Variants in NDUFS1 observed in about 807,000 individuals in gnomAD.
The protein encoded by NDUFS1 is NADH-ubiquinone oxidoreductase 75 kDa subunit, mitochondrial.
In NDUFS1, 61 loss-of-function variants were observed where a neutral mutation model predicts 84.4. The ratio of observed to expected loss-of-function variants is 0.72; its 90% CI spans 0.59 to 0.89. The LOEUF (loss-of-function observed/expected upper bound fraction) is 0.89, where lower values mean the gene tolerates loss of function less well. Among genes scored for constraint, NDUFS1 ranks in the 40% least tolerant of loss-of-function variants. The probability of loss-of-function intolerance (pLI) is 0.00; values close to 1 mark genes in which losing one functional copy is unlikely to be tolerated. For missense variants in NDUFS1, 891 were observed against 890.0 expected, an observed-to-expected ratio of 1.00 and a Z score of -0.01; for synonymous variants, 275 against 290.0, an observed-to-expected ratio of 0.95 and a Z score of 0.53.
At chr2:206,141,568 T>G (rs919675119) in intron 12 of NDUFS1, among the ~76,000 whole-genome samples, 4 of 139,748 alleles carry the variant, frequency 2.9e-5, no homozygotes, top group Admixed American at 2.2e-4. Context: ...TAAAAATAAT[T>G]TTTTAAAAAT....
intron 13 of NDUFS1, among the ~76,000 whole-genome samples, chr2:206,134,582 A>G (rs1435772526): frequency 2.6e-5 from 4 of 152,028 alleles, no homozygotes; most frequent in Non-Finnish European, 5.9e-5. Context: ...ACCATCTCAA[A>G]AACAAAAAAA....
chr2:206,154,777 C>A (rs1168487871), intron 1 of NDUFS1, among the ~76,000 whole-genome samples: 1 of 152,106 alleles, frequency 6.6e-6, no homozygotes, highest in Non-Finnish European at 1.5e-5. Context: ...GCACCCGCCA[C>A]CACACCCGAC....
intron 3 of NDUFS1, 58 bp from the exon 4 acceptor site, chr2:206,149,983 G>A (rs976534546): frequency 1.0e-5 from 12 of 1,152,208 alleles, no homozygotes; most frequent in Middle Eastern, 2.0e-4. Context: ...TGACTTCACT[G>A]CTGTTATTGC....
In NDUFS1 at chr2:206,116,526, C is replaced by A; in HGVS notation, c.*7659G>T. The A allele has an allele frequency of 9.3e-7, 1 of 1,079,280 alleles. No individual in the cohort carries two copies. Among genetic ancestry groups the A allele is most frequent in the Non-Finnish European group, 1.3e-6 (1 of 741,518 alleles). 66.9% of individuals were successfully genotyped at this position (1,079,280 alleles called of 1,614,324 possible). On this transcript the variant is annotated 3_prime_UTR_variant, in exon 19 of 19. Transcript: ENST00000233190. ...GTTCCCAGGGGTGCGGGGATGGCAG[C>A]GCTACGCCTCAGCCACTCGCGCGGG...
At chr2:206,141,507 G>A (rs1443429456) in intron 12 of NDUFS1, among the ~76,000 whole-genome samples, 2 of 151,088 alleles carry the variant, frequency 1.3e-5, no homozygotes, top group African/African-American at 4.9e-5. Flanking sequence ...AATCCAGCCT[G>A]GGCGACAAAG....
chr2:206,126,583 G>A lies in NDUFS1; in HGVS notation c.2048C>T (p.Pro683Leu), dbSNP rs377157717. ...KLVNQQLLAD[P>L]LVPPQLTIKD... is the part of the protein sequence containing the mutation. ...TATAGTTAGCTGAGGTGGAACAAGT[G>A]GGTCAGCAAGAAGCTGCTGGTTCAC... The change falls in exon 18 of 19, where the codon CCA (proline) becomes CTA (leucine). Residue 683 changes from proline (P) to leucine (L), a missense_variant. Pro to Leu is a moderately conservative substitution (Grantham distance 98). Transcript: ENST00000233190. 4.3e-6 allele frequency: 7 copies of A among 1,614,074 alleles called. No homozygotes were observed. Among genetic ancestry groups the A allele is most frequent in the Non-Finnish European group, 5.1e-6 (6 of 1,180,016 alleles).
intron 13 of NDUFS1, among the ~76,000 whole-genome samples, chr2:206,134,105 T>A (rs903110000): frequency 6.6e-6 from 1 of 152,174 alleles, no homozygotes; most frequent in Non-Finnish European, 1.5e-5. Flanking sequence ...ATTATGCTGA[T>A]ATATTATAAA....
chr2:206,132,556 G>A (rs1031291795), intron 14 of NDUFS1, among the ~76,000 whole-genome samples: 1 of 151,916 alleles, frequency 6.6e-6, no homozygotes, highest in African/African-American at 2.4e-5. Flanking sequence ...CCACTGTACT[G>A]AGACCCTGTC....
chr2:206,124,201 T>G lies in NDUFS1; in HGVS notation c.2168A>C (p.Glu723Ala), dbSNP rs778862643. ...GTAGAAGCTTCAGCATATGGATGGT[T>G]CCTCTACTGCCTGGGCACCCTCTGT... ...AVTEGAQAVE[E>A]PSIC Residue 723 changes from glutamate (E) to alanine (A), a missense_variant, in exon 19 of 19, where the codon GAA becomes GCA. Physicochemically the swap from Glu to Ala is moderately radical, Grantham distance 107. Coordinates refer to ENST00000233190, the MANE Select transcript of NDUFS1 (RefSeq NM_005006.7). 1.2e-6 allele frequency: 2 copies of G among 1,611,042 alleles called. No individual in the cohort carries two copies. The highest frequency in any genetic ancestry group is 8.5e-7 in the Non-Finnish European group (1 of 1,177,156).
At chr2:206,158,064 C>G (rs926264758) in intron 1 of NDUFS1, among the ~76,000 whole-genome samples, 2 of 148,156 alleles carry the variant, frequency 1.3e-5, no homozygotes, top group Admixed American at 6.8e-5. Context: ...CCCGGGTTCA[C>G]GCCAGCCTCC....
rs530144421 is a variant in NDUFS1, at chr2:206,116,219, C to T, written c.*7966G>A. On this transcript the variant is annotated 3_prime_UTR_variant, in exon 19 of 19. Coordinates refer to ENST00000233190, the MANE Select transcript of NDUFS1 (RefSeq NM_005006.7). ...CTTGATCAGCCAACCATCTTCATAA[C>T]GAGATTTGTTTACAAGTCCTGGATT... 4 of 1,360,894 alleles carry T rather than the reference C, an allele frequency of 2.9e-6. No individual in the cohort carries two copies. Among genetic ancestry groups the T allele is most frequent in the South Asian group, 2.3e-5 (2 of 85,852 alleles). The allele number at this position is 1,360,894 out of a possible 1,614,324, so 84.3% of individuals were successfully genotyped here. A position where few individuals can be genotyped will look rare whatever the true frequency, so the allele number is the denominator to read the frequency against.
chr2:206,133,034 T>C lies in NDUFS1; in HGVS notation c.1464A>G (p.Ala488=). 6.2e-7 allele frequency: 1 copy of C among 1,613,972 alleles called. No individual in the cohort carries two copies. Among genetic ancestry groups the C allele is most frequent in the Non-Finnish European group, 8.5e-7 (1 of 1,179,898 alleles). ...CAATGCTAGAAACAGCTGCAAGAAT[T>C]GCTGCTCCATCATTTCTTTGGAGTG... is the stretch of plus-strand genomic sequence containing the variant. ...SSALQRNDGA[A]ILAAVSSIAQ... is the part of the protein sequence containing the mutation. Residue 488 remains alanine (A), a synonymous_variant, in exon 14 of 19, where the codon GCA becomes GCG. Transcript: ENST00000233190.
rs1691055101 is a variant in NDUFS1 at position 206,120,057 on chromosome 2, GCTC to G, written c.*4125_*4127del. 1 of 152,088 alleles carries G rather than the reference GCTC, an allele frequency of 6.6e-6. No individual in the cohort carries two copies. The highest frequency in any genetic ancestry group is 2.4e-5 in the African/African-American group (1 of 41,392). The allele number at this position is 152,088 out of a possible 1,614,324, so 9.4% of individuals were successfully genotyped here. On this transcript the variant is annotated 3_prime_UTR_variant, in exon 19 of 19. Transcript: ENST00000233190. ...AGTCTGGGACCTCCTCCTCTCTCTT[GCTC>G]CCTCTCTCACCATGTGATATGCTCG...
rs764154430 is a variant in NDUFS1 at position 206,126,770 on chromosome 2, A to T, written c.1959T>A (p.Leu653=). 6.2e-7 allele frequency: 1 copy of T among 1,614,174 alleles called. No individual in the cohort carries two copies. The highest frequency in any genetic ancestry group is 1.3e-5 in the African/African-American group (1 of 75,068). The part of the protein sequence containing the change: ...RNRLEEVSPN[L]VRYDDIEGAN... Reference sequence around the variant, plus strand: ...CCCCTTCAATATCATCATATCGAACAAGATTAGGAGAGACTTCTTCCAATC... The same window carrying T: ...CCCCTTCAATATCATCATATCGAACTAGATTAGGAGAGACTTCTTCCAATC... Residue 653 remains leucine, a synonymous_variant, in exon 17 of 19, where the codon CTT becomes CTA. Coordinates refer to ENST00000233190, the MANE Select transcript of NDUFS1 (RefSeq NM_005006.7).
rs116137442 is a variant in NDUFS1, at chr2:206,159,412, C to A, written c.-76G>T. 12 of 493,226 alleles carry A rather than the reference C, an allele frequency of 2.4e-5. No individual in the cohort carries two copies. Among genetic ancestry groups the A allele is most frequent in the Non-Finnish European group, 4.4e-5 (12 of 274,612 alleles). 30.6% of individuals were successfully genotyped at this position (493,226 alleles called of 1,614,324 possible). On this transcript the variant is annotated 5_prime_UTR_variant, in exon 1 of 19. Transcript: ENST00000233190. Reference sequence around the variant, plus strand: ...ACGACGACCCCCTAGGAGGCCGGGTCGCTTATTCAATATGGCGGCCTCGGC... The same window carrying A: ...ACGACGACCCCCTAGGAGGCCGGGTAGCTTATTCAATATGGCGGCCTCGGC...
chr2:206,158,216 C>A lies in NDUFS1; in HGVS notation c.-5+1125G>T, dbSNP rs1687750502. On this transcript the variant is annotated intron_variant, in intron 1 of 18. Coordinates refer to ENST00000233190, the MANE Select transcript of NDUFS1 (RefSeq NM_005006.7). ...TGGCCTCGTGATCCGCCCGCCTCGG[C>A]CTCCCAAAGTGGTGGGATTACAGGA... Among the ~76,000 whole-genome samples the A allele has an allele frequency of 2.0e-5, 3 of 152,120 alleles. No individual in the cohort carries two copies. The South Asian group carries it at 6.2e-4, about 32-fold the overall frequency.
At chr2:206,155,418 T>C (rs1181361872) in intron 1 of NDUFS1, among the ~76,000 whole-genome samples, 3 of 150,506 alleles carry the variant, frequency 2.0e-5, no homozygotes, top group African/African-American at 7.3e-5. Context: ...CCCAGCCTAT[T>C]TATTTATTTT....
intron 9 of NDUFS1, 113 bp downstream of exon 9, chr2:206,144,779 A>G: frequency 9.2e-7 from 1 of 1,085,134 alleles, no homozygotes; most frequent in South Asian, 1.5e-5. Flanking sequence ...CTCAGATTCC[A>G]GTAGTCTATA....
At chr2:206,140,373 A>G (rs1691889903) in intron 12 of NDUFS1, among the ~76,000 whole-genome samples, 1 of 152,080 alleles carries the variant, frequency 6.6e-6, no homozygotes, top group African/African-American at 2.4e-5. Flanking sequence ...ACGTGGTGGC[A>G]TATGCCTGTA....
Sources: gnomAD v4.1 joint callset for allele counts (sites outside exome capture counted in the v4.1 genomes callset) on GRCh38, gnomAD v4.1.1 for gene constraint, MANE v1.5 for transcripts, NCBI Gene and HGNC (gene_info 2026-07-23, HGNC 2026-07-21) for gene names.